Variants in TACR3 observed in about 807,000 individuals in gnomAD.
The protein encoded by TACR3 is tachykinin receptor 3.
A neutral mutation model predicts 35.0 loss-of-function variants in TACR3; 34 were observed. The observed-to-expected ratio is 0.97, with a 90% confidence interval of 0.74 to 1.30. TACR3 has a LOEUF of 1.30. TACR3 is among the 50% of genes most tolerant of loss of function. The probability of loss-of-function intolerance (pLI) is 0.00; values close to 1 mark genes in which losing one functional copy is unlikely to be tolerated. For missense variants in TACR3, 558 were observed against 591.7 expected (o/e 0.94, Z 0.59); for synonymous variants, 233 against 221.1 (o/e 1.05, Z -0.48).
chr4:103,689,760 A>C (rs890901077), intron 1 of TACR3, among the ~76,000 whole-genome samples: 1 of 152,120 alleles, frequency 6.6e-6, no homozygotes, highest in Non-Finnish European at 1.5e-5. Flanking sequence ...AGGAAAAAGA[A>C]GGGAACAAAA....
chr4:103,643,173 T>G (rs1293080211), intron 3 of TACR3, among the ~76,000 whole-genome samples: 1 of 151,880 alleles, frequency 6.6e-6, no homozygotes, highest in Non-Finnish European at 1.5e-5. Flanking sequence ...AATTTAAACT[T>G]ACATAACTAG....
chr4:103,656,214 G>T lies in TACR3; in HGVS notation c.868C>A (p.Gln290Lys). ...AGTACCTTTCTTTTGGCCTTTAGCT[G>T]CTCATGATACTTGTCACAGGTATCT... The part of the protein sequence containing the change: ...PGDTCDKYHE[Q>K]LKAKRKVVKM... The change falls in exon 3 of 5, where the codon CAG becomes AAG. Residue 290 changes from glutamine (Q) to lysine (K), a missense_variant. Gln to Lys is a moderately conservative substitution (Grantham distance 53). Transcript: ENST00000304883. 2 of 1,612,888 alleles carry T rather than the reference G, an allele frequency of 1.2e-6. No individual in the cohort carries two copies. Among genetic ancestry groups the T allele is most frequent in the Non-Finnish European group, 1.7e-6 (2 of 1,179,208 alleles).
chr4:103,596,819 G>T (rs1301421087), intron 3 of TACR3, among the ~76,000 whole-genome samples: 5 of 149,202 alleles, frequency 3.4e-5, no homozygotes, highest in Non-Finnish European at 5.9e-5. Context: ...TGTTCTCATT[G>T]TTCAATTCCC....
At chr4:103,714,724 T>C (rs1224191175) in intron 1 of TACR3, among the ~76,000 whole-genome samples, 2 of 152,166 alleles carry the variant, frequency 1.3e-5, no homozygotes, top group Non-Finnish European at 2.9e-5. Context: ...TTGCACTTGG[T>C]ACTCAAATTA....
At chr4:103,647,934 A>G (rs1200355156) in intron 3 of TACR3, among the ~76,000 whole-genome samples, 2 of 152,054 alleles carry the variant, frequency 1.3e-5, no homozygotes, top group Non-Finnish European at 2.9e-5. Context: ...TAGGTTCTAT[A>G]TAACATAAAA....
At chr4:103,623,814 T>G (rs1438494262) in intron 3 of TACR3, among the ~76,000 whole-genome samples, 1 of 152,198 alleles carries the variant, frequency 6.6e-6, no homozygotes, top group African/African-American at 2.4e-5. Flanking sequence ...TAATGAAATT[T>G]TCTAGGAGAT....
intron 1 of TACR3, among the ~76,000 whole-genome samples, chr4:103,711,190 A>C (rs938905879): frequency 2.0e-5 from 3 of 152,162 alleles, no homozygotes; most frequent in Non-Finnish European, 4.4e-5. Flanking sequence ...ACACAACAAA[A>C]AAAGAGAATT....
Position 103,719,732 on chromosome 4 carries a change from G to A in TACR3, c.-57C>T. 3 of 1,594,504 alleles carry A rather than the reference G, an allele frequency of 1.9e-6. No homozygotes were observed. Among genetic ancestry groups the A allele is most frequent in the Non-Finnish European group, 2.6e-6 (3 of 1,175,978 alleles). ...CTCACCCACGGGCAGCCCAAGACGA[G>A]ACTCCTCTGAAGTTCTTCTCTGCCT... On this transcript the variant is annotated 5_prime_UTR_variant, in exon 1 of 5. Transcript: ENST00000304883.
chr4:103,688,422 T>C (rs1294900049), intron 1 of TACR3, among the ~76,000 whole-genome samples: 1 of 151,260 alleles, frequency 6.6e-6, no homozygotes, highest in Non-Finnish European at 1.5e-5. Flanking sequence ...CTAAAGAGCT[T>C]CTGCACAGCA....
chr4:103,605,872 T>C (rs1724344849), intron 3 of TACR3, among the ~76,000 whole-genome samples: 1 of 152,246 alleles, frequency 6.6e-6, no homozygotes, highest in African/African-American at 2.4e-5. Context: ...CCATGGCTTT[T>C]GGTGTTTTAG....
intron 1 of TACR3, among the ~76,000 whole-genome samples, chr4:103,695,383 C>G (rs1303058295): frequency 1.3e-5 from 2 of 152,162 alleles, no homozygotes; most frequent in Admixed American, 6.6e-5. Flanking sequence ...CCTCCTCCTT[C>G]TCAGCCTACT....
Position 103,627,020 on chromosome 4 carries a change from TA to T in TACR3, c.888+29173del, listed in dbSNP as rs1192359662. Among the ~76,000 whole-genome samples, 213 of 137,486 alleles carry T rather than the reference TA, an allele frequency of 1.5e-3. 1 individual carries two copies. In the Middle Eastern group the frequency reaches 0.026, roughly 17 times the overall value. The allele number at this position is 137,486 out of a possible 152,430, so 90.2% of individuals were successfully genotyped here. On this transcript the variant is annotated intron_variant, in intron 3 of 4. Coordinates refer to ENST00000304883, the MANE Select transcript of TACR3 (RefSeq NM_001059.3). ...AAACCCCATCTCTGTGAAAAATAAA[TA>T]AAAAAAAAAAATTAGCTGGGCGTGG...
chr4:103,702,354 C>T (rs1480923374), intron 1 of TACR3, among the ~76,000 whole-genome samples: 3 of 152,204 alleles, frequency 2.0e-5, no homozygotes, highest in African/African-American at 7.2e-5. Flanking sequence ...CAATGAGATA[C>T]CATCTCACAC....
chr4:103,679,616 G>A (rs1285511497), intron 1 of TACR3, among the ~76,000 whole-genome samples: 1 of 151,882 alleles, frequency 6.6e-6, no homozygotes, highest in East Asian at 1.9e-4. Flanking sequence ...TGGGGGAGAG[G>A]AGATGGTATG....
chr4:103,602,738 G>A (rs796591742), intron 3 of TACR3, among the ~76,000 whole-genome samples: 52 of 152,286 alleles, frequency 3.4e-4, no homozygotes, highest in African/African-American at 1.2e-3. Flanking sequence ...CTGTCTGATC[G>A]TTCCTGTGGA....
At chr4:103,694,817 TAGAG>T (rs1722487067) in intron 1 of TACR3, among the ~76,000 whole-genome samples, 3 of 152,174 alleles carry the variant, frequency 2.0e-5, no homozygotes, top group South Asian at 2.1e-4. Context: ...TTATTAAATA[TAGAG>T]AGAGACATTT....
At chr4:103,661,583 T>C (rs1725837317) in intron 1 of TACR3, among the ~76,000 whole-genome samples, 1 of 152,186 alleles carries the variant, frequency 6.6e-6, no homozygotes, top group Non-Finnish European at 1.5e-5. Context: ...ACAACTCCTG[T>C]AGCACAGATA....
intron 3 of TACR3, among the ~76,000 whole-genome samples, chr4:103,629,203 G>C (rs1388268548): frequency 2.0e-5 from 3 of 152,054 alleles, no homozygotes; most frequent in Non-Finnish European, 2.9e-5. Flanking sequence ...GGCAAAAACT[G>C]GAAGCATTCC....
chr4:103,687,144 A>G (rs1273363098), intron 1 of TACR3, among the ~76,000 whole-genome samples: 1 of 152,110 alleles, frequency 6.6e-6, no homozygotes, highest in Non-Finnish European at 1.5e-5. Flanking sequence ...AAAGACAAAA[A>G]CCACATGATT....
Sources: gnomAD v4.1 joint callset for allele counts (sites outside exome capture counted in the v4.1 genomes callset) on GRCh38, gnomAD v4.1.1 for gene constraint, MANE v1.5 for transcripts, NCBI Gene and HGNC (gene_info 2026-07-23, HGNC 2026-07-21) for gene names.